GFPT1: variants seen among roughly 807,000 people sequenced by gnomAD.
GFPT1 encodes glutamine--fructose-6-phosphate aminotransferase [isomerizing] 1.
Under a neutral mutation model 92.0 loss-of-function variants are expected in GFPT1, and 40 were observed. That is an observed-to-expected ratio of 0.43 (90% confidence interval 0.34 to 0.57). The LOEUF (loss-of-function observed/expected upper bound fraction) is 0.57, where lower values mean the gene tolerates loss of function less well. Ranked by LOEUF, GFPT1 falls within the 20% of genes least tolerant of loss-of-function variation. GFPT1 has a pLI of 0.02. For synonymous variants in GFPT1, 269 were observed against 280.6 expected, an observed-to-expected ratio of 0.96 and a Z score of 0.41; for missense variants, 448 against 869.1, an observed-to-expected ratio of 0.52 and a Z score of 6.09.
chr2:69,368,725 T>A (rs1464180684), intron 3 of GFPT1, among the ~76,000 whole-genome samples: 2 of 150,894 alleles, frequency 1.3e-5, no homozygotes, highest in Non-Finnish European at 2.9e-5. Flanking sequence ...CGAGACTCCA[T>A]CTGGGAAGGG....
Position 69,356,022 on chromosome 2 carries a change from C to T in GFPT1, c.605+474G>A, listed in dbSNP as rs1002214661. 7.2e-5 allele frequency among the ~76,000 whole-genome samples: 9 copies of T among 124,324 alleles called. No homozygotes were observed. In the South Asian group the frequency reaches 1.4e-3, roughly 19 times the overall value. 81.6% of individuals were successfully genotyped at this position (124,324 alleles called of 152,430 possible). ...TTTTTTTTTTTTTCAGACAGAGTCT[C>T]GCTCTGTAGGCCAGGCTGGAGTGCA... On this transcript the variant is annotated intron_variant, in intron 7 of 19. Transcript: ENST00000357308.
chr2:69,349,797 G>C (rs1390292312), intron 10 of GFPT1, among the ~76,000 whole-genome samples: 1 of 152,034 alleles, frequency 6.6e-6, no homozygotes, highest in African/African-American at 2.4e-5. Context: ...ACCTGGATAA[G>C]GCTCCTGAAA....
At chr2:69,360,856 T>C (rs987640566) in intron 4 of GFPT1, among the ~76,000 whole-genome samples, 6 of 152,154 alleles carry the variant, frequency 3.9e-5, no homozygotes, top group Admixed American at 6.6e-5. Flanking sequence ...TGGCTCAGCC[T>C]CTCAAGTAGC....
intron 9 of GFPT1, among the ~76,000 whole-genome samples, chr2:69,352,632 A>C (rs1671237561): frequency 6.6e-6 from 1 of 151,610 alleles, no homozygotes; most frequent in Non-Finnish European, 1.5e-5. Flanking sequence ...AAAAAAAAAA[A>C]AAAAACAACT....
rs183191046 is a variant in GFPT1, at chr2:69,364,910, G to A, written c.224-1240C>T. 3.4e-3 allele frequency among the ~76,000 whole-genome samples: 454 copies of A among 135,510 alleles called. 3 individuals are homozygous for A. The highest frequency in any genetic ancestry group is 9.9e-3 in the African/African-American group (346 of 34,916). The allele number at this position is 135,510 out of a possible 152,430, so 88.9% of individuals were successfully genotyped here. A position where few individuals can be genotyped will look rare whatever the true frequency, so the allele number is the denominator to read the frequency against. ...CTCGGGAGGTTGAGGCAGGAGAATC[G>A]CTTGAACCCAGGAGGTAGAGGTTAC... On this transcript the variant is annotated intron_variant, in intron 3 of 19. Coordinates refer to ENST00000357308, the MANE Select transcript of GFPT1 (RefSeq NM_001244710.2).
intron 15 of GFPT1, among the ~76,000 whole-genome samples, chr2:69,332,832 T>C (rs1458159337): frequency 1.3e-5 from 2 of 150,430 alleles, no homozygotes; most frequent in Admixed American, 6.7e-5. Context: ...ATTACTCTTC[T>C]CTTGATAAGG....
At chr2:69,377,696 G>C (rs1671911217) in intron 1 of GFPT1, among the ~76,000 whole-genome samples, 1 of 151,994 alleles carries the variant, frequency 6.6e-6, no homozygotes, top group African/African-American at 2.4e-5. Context: ...AAAAGTAACA[G>C]AGCTAGAAGA....
chr2:69,372,434 G>A, intron 2 of GFPT1, among the ~76,000 whole-genome samples: 1 of 152,086 alleles, frequency 6.6e-6, no homozygotes, highest in East Asian at 1.9e-4. Flanking sequence ...GCCAGGCGTG[G>A]TGGTGCATGC....
At chr2:69,371,398 T>A (rs1035882735) in intron 2 of GFPT1, 2 of 151,932 alleles carry the variant, frequency 1.3e-5, no homozygotes, top group African/African-American at 2.4e-5. Flanking sequence ...TTTTTGAACA[T>A]GCAAAGTTTA....
intron 6 of GFPT1, 39 bp from the exon 7 acceptor site, chr2:69,356,596 A>C: frequency 6.9e-7 from 1 of 1,456,250 alleles, no homozygotes; most frequent in Non-Finnish European, 9.7e-7. Context: ...TATTTAATCA[A>C]TTATCAAGTC....
rs1670406847 is a variant in GFPT1, at chr2:69,321,691, T to C, written c.*4498A>G. On this transcript the variant is annotated 3_prime_UTR_variant, in exon 20 of 20. Transcript: ENST00000357308. ...TTTCCACTTCTCAAGAAGTGTAATT[T>C]AAACAAATACCAAAAGCTTTATTTA... 1 of 152,212 alleles carries C rather than the reference T, an allele frequency of 6.6e-6. No individual in the cohort carries two copies. The highest frequency in any genetic ancestry group is 1.5e-5 in the Non-Finnish European group (1 of 68,026). The allele number at this position is 152,212 out of a possible 1,614,324, so 9.4% of individuals were successfully genotyped here. A position where few individuals can be genotyped will look rare whatever the true frequency, so the allele number is the denominator to read the frequency against.
At chr2:69,383,754 T>C (rs1672063460) in intron 1 of GFPT1, among the ~76,000 whole-genome samples, 1 of 152,040 alleles carries the variant, frequency 6.6e-6, no homozygotes, top group Non-Finnish European at 1.5e-5. Flanking sequence ...GGCTTCCGAG[T>C]AACTAGGATT....
chr2:69,357,366 G>A (rs1399568589), intron 6 of GFPT1, among the ~76,000 whole-genome samples: 1 of 152,100 alleles, frequency 6.6e-6, no homozygotes, highest in South Asian at 2.1e-4. Context: ...CCATCAACCC[G>A]AATCCTCAGG....
intron 7 of GFPT1, 70 bp downstream of exon 7, chr2:69,356,426 A>T: frequency 9.7e-7 from 1 of 1,027,878 alleles, no homozygotes; most frequent in Non-Finnish European, 1.6e-6. Context: ...GGTCATGTAT[A>T]GTCTACGAAG....
chr2:69,328,989 G>A (rs1193055744), intron 17 of GFPT1, among the ~76,000 whole-genome samples: 1 of 152,170 alleles, frequency 6.6e-6, no homozygotes, highest in Non-Finnish European at 1.5e-5. Flanking sequence ...ATAGACGTGA[G>A]CCACTGTGCC....
At chr2:69,377,501 A>C (rs1277385522) in intron 1 of GFPT1, among the ~76,000 whole-genome samples, 3 of 151,238 alleles carry the variant, frequency 2.0e-5, no homozygotes, top group African/African-American at 4.9e-5. Flanking sequence ...ATAAAAATAA[A>C]AAAAAAAAAA....
intron 15 of GFPT1, among the ~76,000 whole-genome samples, chr2:69,330,729 T>C (rs1002019719): frequency 3.3e-5 from 5 of 152,320 alleles, no homozygotes; most frequent in African/African-American, 9.6e-5. Flanking sequence ...TTCTTTTCTT[T>C]ACACAGTTAA....
Position 69,358,471 on chromosome 2 carries a change from T to C in GFPT1, c.409-8A>G, listed in dbSNP as rs982114887. ...GTCATAGCCTTTGCTTTCCTGTAAG[T>C]AGAAAGAAAAAAAAGATACAATTAA... On this transcript the variant is annotated splice_polypyrimidine_tract_variant and splice_region_variant and intron_variant, in intron 5 of 19. Transcript: ENST00000357308. 1 of 1,580,298 alleles carries C rather than the reference T, an allele frequency of 6.3e-7. No individual in the cohort carries two copies. Among genetic ancestry groups the C allele is most frequent in the East Asian group, 2.2e-5 (1 of 44,484 alleles).
chr2:69,342,328 T>A, intron 12 of GFPT1, 79 bp from the exon 13 acceptor site: 1 of 838,748 alleles, frequency 1.2e-6, no homozygotes, highest in Non-Finnish European at 2.1e-6. Flanking sequence ...GAGTATCCAC[T>A]GCCAATATGA....
Sources: allele counts gnomAD v4.1 joint callset (sites outside exome capture counted in the v4.1 genomes callset), GRCh38; gene constraint gnomAD v4.1.1; transcripts MANE v1.5; gene names NCBI Gene and HGNC (gene_info 2026-07-23, HGNC 2026-07-21).